Variants in G6PD observed in about 807,000 individuals in gnomAD.
G6PD encodes the protein glucose-6-phosphate 1-dehydrogenase.
In G6PD, 2 loss-of-function variants were observed where a neutral mutation model predicts 38.2. The observed-to-expected ratio is 0.05, with a 90% confidence interval of 0.02 to 0.16. The LOEUF is 0.16. Among genes scored for constraint, G6PD ranks in the 10% least tolerant of loss-of-function variants. G6PD has a pLI of 1.00. For synonymous variants in G6PD, 188 were observed against 196.0 expected, an observed-to-expected ratio of 0.96 and a Z score of 0.34; for missense variants, 310 against 471.6, an observed-to-expected ratio of 0.66 and a Z score of 3.17.
intron 2 of G6PD, among the ~76,000 whole-genome samples, chrX:154,542,768 C>T (rs1394821052): frequency 3.6e-5 from 4 of 111,884 alleles, no homozygotes; most frequent in Non-Finnish European, 7.5e-5. Flanking sequence ...TGTGCTCTCC[C>T]GGCCCTCTTT....
At chrX:154,544,556 A>G (rs1440336506) in intron 2 of G6PD, among the ~76,000 whole-genome samples, 1 of 112,260 alleles carries the variant, frequency 8.9e-6, no homozygotes, top group Non-Finnish European at 1.9e-5. Context: ...CGGCCTCCCA[A>G]AGTGCTGGGA....
In G6PD at chrX:154,546,805, T is replaced by C. The variant is rs1557233505; in HGVS notation, c.-25A>G. On this transcript the variant is annotated 5_prime_UTR_variant, in exon 1 of 13. Transcript: ENST00000393562. Reference sequence around the variant, plus strand: ...GCCGGTTACCTGCGCTTCGTCGTCGTCGCCCTCCGCGCTCGCAGCCCCGAA... The same window carrying C: ...GCCGGTTACCTGCGCTTCGTCGTCGCCGCCCTCCGCGCTCGCAGCCCCGAA... 2.5e-5 allele frequency: 29 copies of C among 1,161,888 alleles called. No homozygotes were observed. The highest frequency in any genetic ancestry group is 3.1e-5 in the Non-Finnish European group (27 of 872,935).
In G6PD at chrX:154,532,418, G is replaced by A; in HGVS notation, c.1332C>T (p.Val444=). ...CGAAGTGCATCTGGCTCCCGCAGAA[G>A]ACGTCCAGGATGAGGCGCTCATAGG... ...PDAYERLILD[V]FCGSQMHFVR... is the part of the protein sequence containing the mutation. Residue 444 remains valine, a synonymous_variant, in exon 11 of 13, where the codon GTC becomes GTT. Coordinates refer to ENST00000393562, the MANE Select transcript of G6PD (RefSeq NM_001360016.2). 8.3e-7 allele frequency: 1 copy of A among 1,211,897 alleles called. No individual in the cohort carries two copies.
intron 2 of G6PD, among the ~76,000 whole-genome samples, chrX:154,540,895 T>C (rs1423392913): frequency 9.0e-6 from 1 of 111,062 alleles, no homozygotes; most frequent in Non-Finnish European, 1.9e-5. Flanking sequence ...GTGCCAGGAC[T>C]ACAGCGACAC....
At chrX:154,546,962 G>A (rs1485665441), upstream of G6PD, 4 of 331,070 alleles carry the variant, frequency 1.2e-5, no homozygotes, top group Non-Finnish European at 1.8e-5. Context: ...CACCCCTCGT[G>A]CGGGCGGGGC....
intron 12 of G6PD, 40 bp from the exon 13 acceptor site, chrX:154,532,130 C>T: frequency 8.3e-7 from 1 of 1,198,510 alleles, no homozygotes; most frequent in Non-Finnish European, 1.1e-6. Flanking sequence ...GAGGTAGCTC[C>T]ACCCTCACCC....
rs1364562286 is a variant in G6PD at position 154,535,345 on chromosome X, G to A, written c.308C>T (p.Ala103Val). The A allele has an allele frequency of 8.3e-7, 1 of 1,212,049 alleles. No homozygotes were observed. The change falls in exon 5 of 13, where the codon GCC (alanine) becomes GTC (valine). Residue 103 changes from alanine to valine, a missense_variant. Physicochemically the swap from Ala to Val is moderately conservative, Grantham distance 64. Around this residue, in one of 4 missense-constraint regions of G6PD, gnomAD observed 96 missense variants for 93.3 expected, o/e 1.03. Transcript: ENST00000393562. ...EEKLKLEDFF[A>V]RNSYVAGQYD... ...CTGGCCAGCCACATAGGAGTTGCGG[G>A]CAAAGAAGTCCTCCAGCTTGAGCTT...
intron 2 of G6PD, among the ~76,000 whole-genome samples, chrX:154,540,575 T>C (rs2070476719): frequency 9.8e-6 from 1 of 102,214 alleles, no homozygotes; most frequent in African/African-American, 3.6e-5. Flanking sequence ...GAGACGGAGG[T>C]TGCAGTGAGC....
At chrX:154,546,889 G>T, upstream of G6PD, 4 of 1,008,508 alleles carry the variant, frequency 4.0e-6, no homozygotes, top group Non-Finnish European at 3.9e-6. Context: ...CGGGGGCGGG[G>T]GCGGGCGCCT....
rs2070358785 is a variant in G6PD at position 154,532,973 on chromosome X, G to A, written c.1020C>T (p.Val340=). ...ACCTCTCATTCTCCACATAGAGGAC[G>A]ACGGCTGCAAAAGTGGCGGTGGTGG... ...RGSTTATFAA[V]VLYVENERWD... is the part of the protein sequence containing the mutation. The change falls in exon 9 of 13, where the codon GTC becomes GTT. Residue 340 remains valine, a synonymous_variant. Transcript: ENST00000393562. The A allele has an allele frequency of 2.5e-6, 3 of 1,212,245 alleles. No individual in the cohort carries two copies. The highest frequency in any genetic ancestry group is 3.3e-6 in the Non-Finnish European group (3 of 895,583).
At chrX:154,546,268 T>C in intron 1 of G6PD, 105 bp from the exon 2 acceptor site, 2 of 1,045,611 alleles carry the variant, frequency 1.9e-6, no homozygotes, top group Non-Finnish European at 2.6e-6. Context: ...GGGTGACACC[T>C]GATTGCCCAA....
chrX:154,539,109 C>T (rs975509427), intron 2 of G6PD, among the ~76,000 whole-genome samples: 3 of 111,343 alleles, frequency 2.7e-5, no homozygotes, highest in Non-Finnish European at 5.6e-5. Context: ...TGAGGTGGTG[C>T]GGGTGCTCCC....
At chrX:154,537,725 T>C (rs1557231103) in intron 2 of G6PD, among the ~76,000 whole-genome samples, 1 of 111,932 alleles carries the variant, frequency 8.9e-6, no homozygotes, top group East Asian at 2.8e-4. Flanking sequence ...TCTACCAAAA[T>C]GCAAGCACAA....
Position 154,536,107 on chromosome X carries a change from G to A in G6PD, c.158+34C>T, listed in dbSNP as rs1557230808. 6 of 1,208,446 alleles carry A rather than the reference G, an allele frequency of 5.0e-6. No individual in the cohort carries two copies. In the South Asian group the frequency reaches 1.1e-4, roughly 21 times the overall value. ...GGCAGGACCAGGCCTGTCCCTGGCG[G>A]GAGGTCACAGGGGCAGTGGTGGGAC... On this transcript the variant is annotated intron_variant, in intron 3 of 12. Transcript: ENST00000393562.
In G6PD at chrX:154,545,284, G is replaced by A. The variant is rs1401389675; in HGVS notation, c.120+752C>T. Among the ~76,000 whole-genome samples the A allele has an allele frequency of 2.7e-5, 3 of 111,929 alleles. No homozygotes were observed. The Admixed American group carries it at 2.8e-4, about 11-fold the overall frequency. The stretch of plus-strand genomic sequence containing the variant: ...AGGCAGAGCTCCTTGGTAGGCTTTC[G>A]AAATTGAGGCAAAGAGACAGTGTTC... On this transcript the variant is annotated intron_variant, in intron 2 of 12. Coordinates refer to ENST00000393562, the MANE Select transcript of G6PD (RefSeq NM_001360016.2).
rs782372471 is a variant in G6PD at position 154,535,343 on chromosome X, G to A, written c.310C>T (p.Arg104Cys). Residue 104 changes from arginine to cysteine, a missense_variant, in exon 5 of 13, where the codon CGC becomes TGC. Physicochemically the swap from Arg to Cys is radical, Grantham distance 180. Transcript: ENST00000393562. ...TACTGGCCAGCCACATAGGAGTTGC[G>A]GGCAAAGAAGTCCTCCAGCTTGAGC... Reference protein sequence around the residue: ...EKLKLEDFFARNSYVAGQYDD... With the variant: ...EKLKLEDFFACNSYVAGQYDD... The A allele has an allele frequency of 1.2e-5, 15 of 1,210,468 alleles. No individual in the cohort carries two copies. Among genetic ancestry groups the A allele is most frequent in the African/African-American group, 1.7e-5 (1 of 57,345 alleles).
At chrX:154,537,928 A>C (rs782099943) in intron 2 of G6PD, among the ~76,000 whole-genome samples, 9 of 110,728 alleles carry the variant, frequency 8.1e-5, no homozygotes, top group Admixed American at 1.9e-4. Flanking sequence ...GGCCGGGCAC[A>C]ACTCACACAC....
chrX:154,534,313 TC>T, intron 6 of G6PD, 24 bp downstream of exon 6: 1 of 1,207,810 alleles, frequency 8.3e-7, no homozygotes, highest in Non-Finnish European at 1.1e-6. Context: ...CCCACCCTGG[TC>T]CCCCGGCCCA....
chrX:154,533,219 C>CAGG, intron 8 of G6PD, 91 bp from the exon 9 acceptor site: 1 of 1,011,593 alleles, frequency 9.9e-7, no homozygotes, highest in Non-Finnish European at 1.4e-6. Context: ...GCCCTCAGGG[C>CAGG]AGGAGGAGGC....
Sources: allele counts gnomAD v4.1 joint callset (sites outside exome capture counted in the v4.1 genomes callset), GRCh38; gene constraint gnomAD v4.1.1; regional missense constraint gnomAD v4.1.1; transcripts MANE v1.5; gene names NCBI Gene and HGNC (gene_info 2026-07-23, HGNC 2026-07-21).